The following BMP7 variants were observed in gnomAD, a reference collection of about 807,000 sequenced individuals.
BMP7 encodes the protein osteogenic protein 1.
BMP7 carries 12 observed loss-of-function variants against 41.2 expected under a neutral mutation model. The observed-to-expected ratio is 0.29, with a 90% CI of 0.19 to 0.47. The LOEUF (loss-of-function observed/expected upper bound fraction) is 0.47. BMP7 is among the 20% of genes least tolerant of loss of function. BMP7 has a pLI of 0.99. For missense variants in BMP7, 467 were observed against 606.0 expected, an observed-to-expected ratio of 0.77 and a Z score of 2.41; for synonymous variants, 248 against 250.0, an observed-to-expected ratio of 0.99 and a Z score of 0.07.
At chr20:57,265,481 C>G (rs992926997) in intron 1 of BMP7, among the ~76,000 whole-genome samples, 3 of 152,260 alleles carry the variant, frequency 2.0e-5, no homozygotes, top group Admixed American at 2.0e-4. Context: ...GAGGATCCCT[C>G]CTTCCCAGTA....
chr20:57,231,885 T>A (rs1487495966), intron 1 of BMP7, among the ~76,000 whole-genome samples: 1 of 152,214 alleles, frequency 6.6e-6, no homozygotes, highest in Non-Finnish European at 1.5e-5. Flanking sequence ...CAACTAAGGA[T>A]GGCTGAAGAG....
chr20:57,248,566 C>T (rs1271105643), intron 1 of BMP7, among the ~76,000 whole-genome samples: 1 of 152,122 alleles, frequency 6.6e-6, no homozygotes, highest in Non-Finnish European at 1.5e-5. Context: ...CGGCAGCAGC[C>T]ATTTTGTAAG....
At chr20:57,202,678 T>G in intron 2 of BMP7, 55 bp from the exon 3 acceptor site, 1 of 1,170,064 alleles carries the variant, frequency 8.5e-7, no homozygotes, top group South Asian at 1.2e-5. Context: ...ACAGCTCCAC[T>G]ACCCCAACAG....
At chr20:57,200,411 G>T (rs1193330719) in intron 3 of BMP7, among the ~76,000 whole-genome samples, 1 of 152,190 alleles carries the variant, frequency 6.6e-6, no homozygotes, top group Non-Finnish European at 1.5e-5. Flanking sequence ...CTGGACAATG[G>T]GGGAGTAGGT....
intron 3 of BMP7, among the ~76,000 whole-genome samples, chr20:57,196,255 C>T (rs764306095): frequency 1.4e-4 from 21 of 152,122 alleles, no homozygotes; most frequent in African/African-American, 2.7e-4. Flanking sequence ...GGGTAGAAGA[C>T]GGCACAAGGA....
intron 2 of BMP7, among the ~76,000 whole-genome samples, chr20:57,227,945 T>C (rs2066013749): frequency 6.6e-6 from 1 of 152,146 alleles, no homozygotes; most frequent in Non-Finnish European, 1.5e-5. Context: ...CTTCCCCTTT[T>C]CTTCTATGTC....
At chr20:57,190,048 A>C (rs1258542464) in intron 3 of BMP7, among the ~76,000 whole-genome samples, 1 of 152,240 alleles carries the variant, frequency 6.6e-6, no homozygotes, top group Non-Finnish European at 1.5e-5. Flanking sequence ...CATGAGAAAT[A>C]CACGGTGTGT....
intron 1 of BMP7, among the ~76,000 whole-genome samples, chr20:57,239,473 T>C (rs1440034350): frequency 6.6e-6 from 1 of 152,140 alleles, no homozygotes; most frequent in Non-Finnish European, 1.5e-5. Flanking sequence ...TGAGTGACCA[T>C]GGCTTTTCCA....
chr20:57,183,466 C>G (rs1213152208), intron 4 of BMP7, among the ~76,000 whole-genome samples: 1 of 152,062 alleles, frequency 6.6e-6, no homozygotes, highest in Non-Finnish European at 1.5e-5. Flanking sequence ...CGCCATTGTT[C>G]TGTTTATTTA....
intron 6 of BMP7, among the ~76,000 whole-genome samples, chr20:57,172,483 G>C (rs1983834444): frequency 6.6e-6 from 1 of 152,210 alleles, no homozygotes; most frequent in Non-Finnish European, 1.5e-5. Context: ...GAGTAGTCCT[G>C]GTAGTGAGCT....
intron 4 of BMP7, among the ~76,000 whole-genome samples, chr20:57,179,045 G>A (rs1458743777): frequency 1.3e-5 from 2 of 152,196 alleles, no homozygotes; most frequent in East Asian, 1.9e-4. Flanking sequence ...GACCAAGGCC[G>A]AGCACAGCTC....
intron 3 of BMP7, among the ~76,000 whole-genome samples, chr20:57,190,600 T>C (rs1484880338): frequency 6.6e-6 from 1 of 152,004 alleles, no homozygotes; most frequent in African/African-American, 2.4e-5. Context: ...GGTTCTGTGG[T>C]GGGAGACCCA....
chr20:57,222,298 A>G (rs1252129950), intron 2 of BMP7, among the ~76,000 whole-genome samples: 5 of 152,144 alleles, frequency 3.3e-5, no homozygotes, highest in Admixed American at 6.5e-5. Context: ...CAGAGATAAA[A>G]AAAAGCCACC....
intron 2 of BMP7, among the ~76,000 whole-genome samples, chr20:57,222,944 G>A (rs1985223701): frequency 6.6e-6 from 1 of 151,486 alleles, no homozygotes; most frequent in African/African-American, 2.4e-5. Context: ...TGACAATTGT[G>A]GTCTGGACTA....
At chr20:57,220,852 G>A (rs1341538361) in intron 2 of BMP7, among the ~76,000 whole-genome samples, 2 of 152,220 alleles carry the variant, frequency 1.3e-5, no homozygotes, top group East Asian at 3.8e-4. Context: ...AATTCTGGAA[G>A]AGAAAGCACA....
chr20:57,170,894 G>C lies in BMP7; in HGVS notation c.*65C>G. The stretch of plus-strand genomic sequence containing the variant: ...AAAGGCAGTTGGTCTGCTGGTTCCT[G>C]GCCAAGGCGAGCAATGGAGGATCCA... On this transcript the variant is annotated 3_prime_UTR_variant, in exon 7 of 7. Coordinates refer to ENST00000395863, the MANE Select transcript of BMP7 (RefSeq NM_001719.3). 6.3e-7 allele frequency: 1 copy of C among 1,595,356 alleles called. No individual in the cohort carries two copies. The highest frequency in any genetic ancestry group is 8.5e-7 in the Non-Finnish European group (1 of 1,171,826).
At chr20:57,241,467 G>A (rs1312622384) in intron 1 of BMP7, among the ~76,000 whole-genome samples, 2 of 152,158 alleles carry the variant, frequency 1.3e-5, no homozygotes, top group East Asian at 3.9e-4. Context: ...CCCAGATTGG[G>A]GGGCAGGGCC....
intron 1 of BMP7, among the ~76,000 whole-genome samples, chr20:57,263,016 C>T (rs2066159914): frequency 2.0e-5 from 3 of 152,200 alleles, no homozygotes; most frequent in Admixed American, 2.0e-4. Flanking sequence ...AAGGGACAGG[C>T]CATTTATTTG....
chr20:57,260,026 G>A (rs1212840113), intron 1 of BMP7, among the ~76,000 whole-genome samples: 2 of 152,088 alleles, frequency 1.3e-5, no homozygotes, highest in Admixed American at 6.6e-5. Context: ...AGCCGCGGTC[G>A]TACATGGGAT....
Sources: gnomAD v4.1 joint callset for allele counts (sites outside exome capture counted in the v4.1 genomes callset) on GRCh38, gnomAD v4.1.1 for gene constraint, MANE v1.5 for transcripts, NCBI Gene and HGNC (gene_info 2026-07-23, HGNC 2026-07-21) for gene names.